SLC4A4: variants seen among roughly 807,000 people sequenced by gnomAD.
The protein encoded by SLC4A4 is electrogenic sodium bicarbonate cotransporter 1.
Under a neutral mutation model 111.5 loss-of-function variants are expected in SLC4A4, and 27 were observed. That is an observed-to-expected ratio of 0.24 (90% CI 0.18 to 0.33). The LOEUF (loss-of-function observed/expected upper bound fraction) is 0.33, where lower values mean the gene tolerates loss of function less well. SLC4A4 is among the 10% of genes least tolerant of loss of function. SLC4A4 has a pLI of 1.00. For synonymous variants in SLC4A4, 443 were observed against 463.4 expected (o/e 0.96, Z 0.57); for missense variants, 909 against 1,315.5 (o/e 0.69, Z 4.78).
At chr4:71,295,080 T>G (rs1418866567) in intron 3 of SLC4A4, among the ~76,000 whole-genome samples, 4 of 152,184 alleles carry the variant, frequency 2.6e-5, no homozygotes, top group African/African-American at 9.7e-5. Flanking sequence ...TTGGGGGAAA[T>G]TAACAATTTC....
intron 3 of SLC4A4, among the ~76,000 whole-genome samples, chr4:71,296,502 T>C (rs986640329): frequency 6.6e-6 from 1 of 152,216 alleles, no homozygotes; most frequent in Non-Finnish European, 1.5e-5. Context: ...TCCTGAAGTT[T>C]ATTTTTATTC....
At chr4:71,544,012 A>G (rs1044859268) in intron 18 of SLC4A4, among the ~76,000 whole-genome samples, 1 of 152,028 alleles carries the variant, frequency 6.6e-6, no homozygotes, top group Non-Finnish European at 1.5e-5. Context: ...TGCATCATGC[A>G]CTCTGCTAAG....
intron 1 of SLC4A4, among the ~76,000 whole-genome samples, chr4:71,090,163 G>A (rs961440611): frequency 1.1e-4 from 16 of 152,040 alleles, no homozygotes; most frequent in Admixed American, 5.2e-4. Context: ...CTAGCAATGA[G>A]CGAGGCTCCG....
intron 1 of SLC4A4, among the ~76,000 whole-genome samples, chr4:71,227,165 T>TG (rs1487534977): frequency 6.6e-6 from 1 of 152,150 alleles, no homozygotes; most frequent in Admixed American, 6.5e-5. Context: ...GAGAGGCTTC[T>TG]GGAGAGGTTG....
intron 2 of SLC4A4, among the ~76,000 whole-genome samples, chr4:71,111,341 C>T (rs1743078783): frequency 1.3e-5 from 2 of 151,838 alleles, no homozygotes; most frequent in African/African-American, 4.8e-5. Context: ...TGCTAAGTTG[C>T]ATGTTCTTGT....
At chr4:71,090,400 G>A (rs989842897) in intron 1 of SLC4A4, among the ~76,000 whole-genome samples, 1 of 152,130 alleles carries the variant, frequency 6.6e-6, no homozygotes, top group African/African-American at 2.4e-5. Flanking sequence ...TGCACCCACT[G>A]TCCTGCACCC....
chr4:71,402,184 A>T (rs1265784453), intron 7 of SLC4A4, among the ~76,000 whole-genome samples: 1 of 152,208 alleles, frequency 6.6e-6, no homozygotes, highest in African/African-American at 2.4e-5. Flanking sequence ...TTAACCATGT[A>T]TAAGTTTAAA....
intron 7 of SLC4A4, among the ~76,000 whole-genome samples, chr4:71,408,220 T>C (rs1721050033): frequency 6.6e-6 from 1 of 152,138 alleles, no homozygotes; most frequent in Non-Finnish European, 1.5e-5. Flanking sequence ...GAAACATCCA[T>C]CCAGGATCAT....
At chr4:71,443,821 T>C (rs1724989305) in intron 8 of SLC4A4, among the ~76,000 whole-genome samples, 1 of 152,226 alleles carries the variant, frequency 6.6e-6, no homozygotes, top group Non-Finnish European at 1.5e-5. Context: ...CTAAAAGAAG[T>C]AGTTTGTGAT....
At chr4:71,196,003 G>A (rs532780516) in intron 1 of SLC4A4, among the ~76,000 whole-genome samples, 1 of 152,370 alleles carries the variant, frequency 6.6e-6, no homozygotes, top group African/African-American at 2.4e-5. Flanking sequence ...TTCTGAGTGA[G>A]TAATCAGTGG....
intron 6 of SLC4A4, among the ~76,000 whole-genome samples, chr4:71,380,968 G>A (rs1718081858): frequency 6.6e-6 from 1 of 152,152 alleles, no homozygotes; most frequent in African/African-American, 2.4e-5. Context: ...TCGGCATTCT[G>A]AAGTGTAATT....
At chr4:71,436,653 A>C (rs1262074202) in intron 7 of SLC4A4, among the ~76,000 whole-genome samples, 1 of 152,252 alleles carries the variant, frequency 6.6e-6, no homozygotes, top group Non-Finnish European at 1.5e-5. Context: ...GACCAAAGTC[A>C]GTGCTGGCTA....
At chr4:71,216,698 A>G (rs921728520) in intron 1 of SLC4A4, among the ~76,000 whole-genome samples, 4 of 152,198 alleles carry the variant, frequency 2.6e-5, no homozygotes, top group African/African-American at 9.7e-5. Context: ...AGGAGGGAGC[A>G]TGGCATGGAG....
At chr4:71,536,535 C>T (rs1397630215) in intron 18 of SLC4A4, among the ~76,000 whole-genome samples, 2 of 138,710 alleles carry the variant, frequency 1.4e-5, no homozygotes, top group African/African-American at 2.7e-5. Context: ...CTTGCTCTGT[C>T]ACCCAGGCTG....
At chr4:71,423,375 G>A (rs1326226007) in intron 7 of SLC4A4, among the ~76,000 whole-genome samples, 2 of 152,122 alleles carry the variant, frequency 1.3e-5, no homozygotes, top group Non-Finnish European at 2.9e-5. Flanking sequence ...CATGCTCATG[G>A]GTAGGAAGAA....
At chr4:71,286,492 C>T (rs996391033) in intron 3 of SLC4A4, among the ~76,000 whole-genome samples, 3 of 152,164 alleles carry the variant, frequency 2.0e-5, no homozygotes, top group African/African-American at 7.2e-5. Flanking sequence ...GCATGTGTCT[C>T]TTCTTGGGCT....
chr4:71,078,558 TA>T (rs1378329012), intron 1 of SLC4A4, among the ~76,000 whole-genome samples: 2 of 152,076 alleles, frequency 1.3e-5, no homozygotes, highest in South Asian at 2.1e-4. Context: ...AGAATGATTT[TA>T]AAAAAATTGA....
intron 1 of SLC4A4, among the ~76,000 whole-genome samples, chr4:71,076,087 T>G (rs1271950330): frequency 6.6e-6 from 1 of 152,162 alleles, no homozygotes; most frequent in African/African-American, 2.4e-5. Context: ...TATCACAACC[T>G]AACAAATTAT....
At chr4:71,163,029 A>G (rs72860059) in intron 2 of SLC4A4, among the ~76,000 whole-genome samples, 3,549 of 152,308 alleles carry the variant, frequency 0.023, 149 homozygotes, top group African/African-American at 0.081. Flanking sequence ...AATCATACAG[A>G]TAGAAAGGAA....
Sources: allele counts gnomAD v4.1 joint callset (sites outside exome capture counted in the v4.1 genomes callset), GRCh38; gene constraint gnomAD v4.1.1; transcripts MANE v1.5; gene names NCBI Gene and HGNC (gene_info 2026-07-23, HGNC 2026-07-21).